GPC6: variants seen among roughly 807,000 people sequenced by gnomAD.
GPC6 encodes the protein glypican-6.
Under a neutral mutation model 55.2 loss-of-function variants are expected in GPC6, and 14 were observed. That is an observed-to-expected ratio of 0.25 (90% CI 0.17 to 0.40). GPC6 has a LOEUF of 0.40. Ranked by LOEUF, GPC6 falls within the 10% of genes least tolerant of loss-of-function variation. The probability of loss-of-function intolerance (pLI) is 1.00; values close to 1 mark genes in which losing one functional copy is unlikely to be tolerated. For missense variants in GPC6, 641 were observed against 708.5 expected (o/e 0.90, Z 1.08); for synonymous variants, 278 against 259.6 (o/e 1.07, Z -0.68).
At chr13:93,547,063 GCTCATGC>G (rs1874828581) in intron 2 of GPC6, among the ~76,000 whole-genome samples, 1 of 152,002 alleles carries the variant, frequency 6.6e-6, no homozygotes, top group Non-Finnish European at 1.5e-5. Context: ...AGGCATGGTG[GCTCATGC>G]CTGTAATCCC....
intron 1 of GPC6, among the ~76,000 whole-genome samples, chr13:93,241,689 T>G (rs1188984189): frequency 2.0e-5 from 3 of 152,212 alleles, no homozygotes; most frequent in African/African-American, 7.2e-5. Flanking sequence ...TTAGATTTAT[T>G]GCTAAAGAGT....
chr13:94,184,433 A>C (rs1889101483), intron 4 of GPC6, among the ~76,000 whole-genome samples: 1 of 152,124 alleles, frequency 6.6e-6, no homozygotes. Flanking sequence ...AGCTTAAACA[A>C]ATCAATAAGC....
intron 2 of GPC6, among the ~76,000 whole-genome samples, chr13:93,781,770 A>G (rs1234413388): frequency 1.3e-5 from 2 of 152,148 alleles, no homozygotes; most frequent in Non-Finnish European, 2.9e-5. Flanking sequence ...AACTATGTAT[A>G]TAGGTAAAAT....
chr13:93,865,816 A>C (rs1888948563), intron 3 of GPC6, among the ~76,000 whole-genome samples: 1 of 151,726 alleles, frequency 6.6e-6, no homozygotes, highest in South Asian at 2.1e-4. Context: ...CTGATGGATA[A>C]TTTTGGAAAA....
chr13:94,011,748 A>C (rs1048579773), intron 3 of GPC6, among the ~76,000 whole-genome samples: 1 of 152,114 alleles, frequency 6.6e-6, no homozygotes, highest in Non-Finnish European at 1.5e-5. Flanking sequence ...CCTGTTATTC[A>C]TGAAGTCAGT....
intron 2 of GPC6, among the ~76,000 whole-genome samples, chr13:93,667,560 G>T (rs940824052): frequency 6.6e-6 from 1 of 151,844 alleles, no homozygotes; most frequent in South Asian, 2.1e-4. Context: ...AGCCTCTCGA[G>T]TAGCTGGGAT....
intron 1 of GPC6, among the ~76,000 whole-genome samples, chr13:93,241,298 A>T (rs190663301): frequency 2.0e-5 from 3 of 152,340 alleles, no homozygotes; most frequent in African/African-American, 4.8e-5. Flanking sequence ...TGGATGTTTT[A>T]GAGAATCCCA....
intron 4 of GPC6, among the ~76,000 whole-genome samples, chr13:94,260,117 A>G (rs1211037050): frequency 6.6e-6 from 1 of 152,218 alleles, no homozygotes; most frequent in Non-Finnish European, 1.5e-5. Flanking sequence ...GTGATAAAGC[A>G]TCTGTAAAGT....
intron 7 of GPC6, among the ~76,000 whole-genome samples, chr13:94,391,087 T>C (rs910655840): frequency 1.3e-5 from 2 of 152,164 alleles, no homozygotes; most frequent in Non-Finnish European, 2.9e-5. Context: ...TCAAAGAATT[T>C]TGCTCCTGCT....
intron 2 of GPC6, among the ~76,000 whole-genome samples, chr13:93,803,574 A>G (rs1230234687): frequency 2.6e-5 from 4 of 152,188 alleles, no homozygotes; most frequent in African/African-American, 9.7e-5. Context: ...CAGCAATTTC[A>G]CAACTAAGTA....
Position 94,159,769 on chromosome 13 carries a change from G to T in GPC6, c.878-126580G>T, listed in dbSNP as rs536608566. The stretch of plus-strand genomic sequence containing the variant: ...AAGATAAGGTCTATGCTCAATAAAT[G>T]GTCACTAGTACTAATTAAAAGGTAA... On this transcript the variant is annotated intron_variant, in intron 4 of 8. Coordinates refer to ENST00000377047, the MANE Select transcript of GPC6 (RefSeq NM_005708.5). Among the ~76,000 whole-genome samples, 21 of 152,244 alleles carry T rather than the reference G, an allele frequency of 1.4e-4. No homozygotes were observed. The South Asian group carries it at 3.3e-3, about 24-fold the overall frequency.
intron 1 of GPC6, among the ~76,000 whole-genome samples, chr13:93,353,294 T>C (rs960065115): frequency 7.2e-5 from 11 of 151,990 alleles, no homozygotes; most frequent in Admixed American, 5.9e-4. Flanking sequence ...CCTGGAGGAG[T>C]AGCTAGAAAA....
intron 2 of GPC6, among the ~76,000 whole-genome samples, chr13:93,742,952 G>A (rs913949589): frequency 1.3e-5 from 2 of 152,120 alleles, no homozygotes; most frequent in Admixed American, 6.5e-5. Flanking sequence ...AGATCTACAC[G>A]GAGGGAGAAA....
At chr13:94,167,041 C>T (rs1000784288) in intron 4 of GPC6, among the ~76,000 whole-genome samples, 2 of 152,170 alleles carry the variant, frequency 1.3e-5, no homozygotes, top group Non-Finnish European at 2.9e-5. Flanking sequence ...ATCTAGATTT[C>T]ATCTCTTTAT....
intron 1 of GPC6, among the ~76,000 whole-genome samples, chr13:93,522,663 C>G (rs1230995518): frequency 6.6e-6 from 1 of 151,778 alleles, no homozygotes; most frequent in Non-Finnish European, 1.5e-5. Context: ...GCTAAGTCAT[C>G]AAAGACAAAA....
In GPC6 at chr13:93,627,933, GT is replaced by G. The variant is rs572377365; in HGVS notation, c.319+82513del. Among the ~76,000 whole-genome samples, 6 of 152,252 alleles carry G rather than the reference GT, an allele frequency of 3.9e-5. No homozygotes were observed. The South Asian group carries it at 1.2e-3, about 32-fold the overall frequency. On this transcript the variant is annotated intron_variant, in intron 2 of 8. Transcript: ENST00000377047. ...TTTCATACTTAACTGAACAGTTGTA[GT>G]AGGGATCATTTTAAGAGTTCAAAAT...
rs375940346 is a variant in GPC6 at position 94,306,017 on chromosome 13, C to T, written c.1046C>T (p.Ala349Val). The T allele has an allele frequency of 5.0e-6, 8 of 1,614,142 alleles. No homozygotes were observed. Among genetic ancestry groups the T allele is most frequent in the Admixed American group, 1.7e-5 (1 of 60,022 alleles). ...TGTGGTCAGCCCAAACCTGCTCCAGCCCTCAGATCTGCCCGCTCAGCTCCT... is the reference window on the plus strand; with the variant it reads ...TGTGGTCAGCCCAAACCTGCTCCAGTCCTCAGATCTGCCCGCTCAGCTCCT... ...QGCGQPKPAP[A>V]LRSARSAPEN... The change falls in exon 6 of 9, where the codon GCC becomes GTC. Residue 349 changes from alanine (A) to valine (V), a missense_variant. Ala to Val is a moderately conservative substitution (Grantham distance 64, BLOSUM62 0). Transcript: ENST00000377047.
Position 93,463,128 on chromosome 13 carries a change from G to A in GPC6, c.161-82135G>A, listed in dbSNP as rs77426714. ...ATATTATGTTGTGTAAATCCCTCCA[G>A]CCATCTCATTTGGGGCAACTTTTAG... On this transcript the variant is annotated intron_variant, in intron 1 of 8. Transcript: ENST00000377047. Among the ~76,000 whole-genome samples, 1,101 of 152,164 alleles carry A rather than the reference G, an allele frequency of 7.2e-3. 12 individuals carry two copies. The highest frequency in any genetic ancestry group is 0.025 in the African/African-American group (1,039 of 41,500).
At chr13:94,128,418 TC>T (rs1285219296) in intron 4 of GPC6, among the ~76,000 whole-genome samples, 3 of 152,182 alleles carry the variant, frequency 2.0e-5, no homozygotes, top group Non-Finnish European at 4.4e-5. Flanking sequence ...AACTTCAAAA[TC>T]TCAGTGGCTT....
Sources: allele counts gnomAD v4.1 joint callset (sites outside exome capture counted in the v4.1 genomes callset), GRCh38; gene constraint gnomAD v4.1.1; transcripts MANE v1.5; gene names NCBI Gene and HGNC (gene_info 2026-07-23, HGNC 2026-07-21).